The following DNMT3A variants were observed in gnomAD, a reference collection of about 807,000 sequenced individuals.
The protein encoded by DNMT3A is DNA (cytosine-5)-methyltransferase 3A.
DNMT3A carries 267 observed loss-of-function variants against 117.6 expected under a neutral mutation model. The ratio of observed to expected loss-of-function variants is 2.27; its 90% CI spans 2.05 to 2.51. The LOEUF (loss-of-function observed/expected upper bound fraction) is 2.51. Ranked by LOEUF, DNMT3A falls within the 30% of genes most tolerant of loss-of-function variation. The pLI is 0.00. For synonymous variants in DNMT3A, 432 were observed against 474.8 expected (o/e 0.91, Z 1.17); for missense variants, 1,029 against 1,260.2 (o/e 0.82, Z 2.78).
chr2:25,316,579 A>G (rs1413724271), intron 1 of DNMT3A, among the ~76,000 whole-genome samples: 6 of 152,156 alleles, frequency 3.9e-5, no homozygotes, highest in African/African-American at 1.4e-4. Flanking sequence ...AAGGTCCCAG[A>G]CCTTGACATA....
chr2:25,246,065 C>T lies in DNMT3A; in HGVS notation c.1430-1G>A. ...TGCCGCACCTCGTACACCAGCCGCTCTGCAAGGGGAGGAGAGCTGGCGTCA... is the reference window on the plus strand; with the variant it reads ...TGCCGCACCTCGTACACCAGCCGCTTTGCAAGGGGAGGAGAGCTGGCGTCA... On this transcript the variant is annotated splice_acceptor_variant, in intron 11 of 22. Transcript: ENST00000321117. LOFTEE classifies it high-confidence loss of function. 6.2e-7 allele frequency: 1 copy of T among 1,614,208 alleles called. No homozygotes were observed. Among genetic ancestry groups the T allele is most frequent in the Non-Finnish European group, 8.5e-7 (1 of 1,180,030 alleles).
At chr2:25,322,400 T>TCCTCACACC (rs2034629561) in intron 1 of DNMT3A, among the ~76,000 whole-genome samples, 1 of 151,922 alleles carries the variant, frequency 6.6e-6, no homozygotes, top group Non-Finnish European at 1.5e-5. Context: ...CATCAGCTCC[T>TCCTCACACC]CACACCCACA....
chr2:25,275,518 G>A lies in DNMT3A; in HGVS notation c.474C>T (p.Ile158=), dbSNP rs769716628. 3 of 1,586,342 alleles carry A rather than the reference G, an allele frequency of 1.9e-6. No homozygotes were observed. The highest frequency in any genetic ancestry group is 1.2e-5 in the South Asian group (1 of 86,578). ...EAGKEQKETN[I]ESMKMEGSRG... ...CACTTGCCTCCATTTTCATGGATTC[G>A]ATGTTGGTCTCCTTCTGTTCTTTGC... Residue 158 remains isoleucine (I), a synonymous_variant, in exon 5 of 23, where the codon ATC becomes ATT. Coordinates refer to ENST00000321117, the MANE Select transcript of DNMT3A (RefSeq NM_022552.5).
At chr2:25,284,648 A>G (rs1375793383) in intron 3 of DNMT3A, among the ~76,000 whole-genome samples, 1 of 113,196 alleles carries the variant, frequency 8.8e-6, no homozygotes, top group Non-Finnish European at 1.9e-5. Context: ...CTCCATCTAA[A>G]AAAAAAAAAA....
rs886148050 is a variant in DNMT3A at position 25,239,141 on chromosome 2, G to A, written c.2397C>T (p.Pro799=). Residue 799 remains proline, a synonymous_variant, in exon 20 of 23, where the codon CCC becomes CCT. Coordinates refer to ENST00000321117, the MANE Select transcript of DNMT3A (RefSeq NM_022552.5). ...GAGCTTTCACCAACCTGTTCATACC[G>A]GGAAGGTTACCCCAGAAGTAGCGGG... ...HRARYFWGNL[P]GMNRPLASTV... 3 of 1,613,928 alleles carry A rather than the reference G, an allele frequency of 1.9e-6. No individual in the cohort carries two copies. The highest frequency in any genetic ancestry group is 2.5e-6 in the Non-Finnish European group (3 of 1,179,878).
chr2:25,246,503 TC>T, intron 10 of DNMT3A, 116 bp downstream of exon 10: 1 of 1,479,142 alleles, frequency 6.8e-7, no homozygotes, highest in Non-Finnish European at 9.1e-7. Flanking sequence ...CCCCGGCTGT[TC>T]CCACTGGGCC....
intron 1 of DNMT3A, among the ~76,000 whole-genome samples, chr2:25,319,707 C>A (rs1199034974): frequency 6.6e-6 from 1 of 152,152 alleles, no homozygotes; most frequent in Non-Finnish European, 1.5e-5. Flanking sequence ...CAAAACTACA[C>A]AGGTATCGCT....
intron 6 of DNMT3A, chr2:25,249,858 C>A: frequency 9.9e-7 from 1 of 1,014,356 alleles, no homozygotes; most frequent in Admixed American, 2.1e-5. Flanking sequence ...GGGGAGAAAA[C>A]CCCATTTTCT....
intron 2 of DNMT3A, among the ~76,000 whole-genome samples, chr2:25,310,273 C>T (rs2034035978): frequency 6.6e-6 from 1 of 151,794 alleles, no homozygotes; most frequent in South Asian, 2.1e-4. Flanking sequence ...CCCTCTGCCC[C>T]CCACCCTCTG....
Position 25,294,975 on chromosome 2 carries a change from G to A in DNMT3A, c.177+5164C>T, listed in dbSNP as rs1020459359. On this transcript the variant is annotated intron_variant, in intron 3 of 22. Coordinates refer to ENST00000321117, the MANE Select transcript of DNMT3A (RefSeq NM_022552.5). The surrounding 1 kb of genome is among the most constrained non-coding windows in gnomAD (Gnocchi z 4.7). The stretch of plus-strand genomic sequence containing the variant: ...AAAATAACCCTGGAGGAAGTTGGTG[G>A]GTATAAATCGTCAATGAATAAATAC... 6.6e-6 allele frequency among the ~76,000 whole-genome samples: 1 copy of A among 152,108 alleles called. No individual in the cohort carries two copies. The highest frequency in any genetic ancestry group is 2.4e-5 in the African/African-American group (1 of 41,400).
intron 6 of DNMT3A, chr2:25,251,976 C>A: frequency 3.7e-6 from 2 of 542,718 alleles, no homozygotes; most frequent in Non-Finnish European, 3.1e-6. Context: ...CCACTGGAGC[C>A]CTCGAGGAGT....
At chr2:25,336,185 C>A (rs571128462) in intron 1 of DNMT3A, among the ~76,000 whole-genome samples, 2 of 152,350 alleles carry the variant, frequency 1.3e-5, no homozygotes, top group East Asian at 3.9e-4. Context: ...GGGGCCTGGG[C>A]CGTCTGCAGG....
chr2:25,268,054 G>A (rs2030521149), intron 6 of DNMT3A, among the ~76,000 whole-genome samples: 1 of 152,132 alleles, frequency 6.6e-6, no homozygotes, highest in African/African-American at 2.4e-5. Context: ...CAACCCTTAA[G>A]GTCCATGAAG....
At chr2:25,285,194 G>C (rs1046598986) in intron 3 of DNMT3A, among the ~76,000 whole-genome samples, 5 of 152,168 alleles carry the variant, frequency 3.3e-5, no homozygotes, top group Non-Finnish European at 7.3e-5. Context: ...CACCACTCAA[G>C]TGCACAGCCT....
At chr2:25,320,775 T>C (rs922147475) in intron 1 of DNMT3A, among the ~76,000 whole-genome samples, 2 of 152,204 alleles carry the variant, frequency 1.3e-5, no homozygotes, top group Admixed American at 1.3e-4. Flanking sequence ...CATATATATG[T>C]ATATATGCAT....
rs1674428572 is a variant in DNMT3A, at chr2:25,244,162, T to C, written c.1844A>G (p.Gln615Arg). 6.2e-7 allele frequency: 1 copy of C among 1,613,806 alleles called. No individual in the cohort carries two copies. The highest frequency in any genetic ancestry group is 8.5e-7 in the Non-Finnish European group (1 of 1,180,032). The change falls in exon 15 of 23, where the codon CAG (glutamine) becomes CGG (arginine). Residue 615 changes from glutamine (Q) to arginine (R), a missense_variant. Coordinates refer to ENST00000321117, the MANE Select transcript of DNMT3A (RefSeq NM_022552.5). The part of the protein sequence containing the change: ...LQMFFANNHD[Q>R]EFDPPKVYPP... ...CCCAGGCCCAGCACTCACAAATTCC[T>C]GGTCGTGGTTATTAGCGAAGAACAT...
At chr2:25,251,193 G>C (rs1182114392) in intron 6 of DNMT3A, among the ~76,000 whole-genome samples, 3 of 146,690 alleles carry the variant, frequency 2.0e-5, no homozygotes, top group Non-Finnish European at 4.5e-5. Context: ...CCTGACGAAA[G>C]GGGAAGGGGC....
chr2:25,341,773 T>TCCCCGCCG (rs1414118063), intron 1 of DNMT3A, 53 bp downstream of exon 1: 124 of 963,838 alleles, frequency 1.3e-4, no homozygotes, highest in Non-Finnish European at 1.4e-4. Context: ...GCTCCCCGGC[T>TCCCCGCCG]CCCCGCCGCC....
chr2:25,295,204 G>C (rs1349870048), intron 3 of DNMT3A, among the ~76,000 whole-genome samples: 1 of 152,088 alleles, frequency 6.6e-6, no homozygotes, highest in South Asian at 2.1e-4. Context: ...ATCCTTAGAG[G>C]CTGCCCCTTC....
Sources: allele counts gnomAD v4.1 joint callset (sites outside exome capture counted in the v4.1 genomes callset), GRCh38; gene constraint gnomAD v4.1.1; non-coding constraint Gnocchi (gnomAD v3.1); transcripts MANE v1.5; gene names NCBI Gene and HGNC (gene_info 2026-07-23, HGNC 2026-07-21).